IQCH: variants seen among roughly 807,000 people sequenced by gnomAD.
IQCH encodes IQ domain-containing protein H.
IQCH carries 98 observed loss-of-function variants against 117.0 expected under a neutral mutation model. The ratio of observed to expected loss-of-function variants is 0.84; its 90% CI spans 0.71 to 0.99. The LOEUF is 0.99. Ranked by LOEUF, IQCH falls within the 50% of genes least tolerant of loss-of-function variation. IQCH has a pLI of 0.00. For synonymous variants in IQCH, 412 were observed against 448.2 expected (o/e 0.92, Z 1.02); for missense variants, 1,102 against 1,243.8 (o/e 0.89, Z 1.72).
At chr15:67,332,604 C>T (rs1567103320) in intron 4 of IQCH, among the ~76,000 whole-genome samples, 1 of 152,212 alleles carries the variant, frequency 6.6e-6, no homozygotes, top group East Asian at 1.9e-4. Context: ...AGAGCTAATA[C>T]TAAACAATTA....
chr15:67,270,767 T>C (rs182366511), intron 3 of IQCH, among the ~76,000 whole-genome samples: 1 of 152,302 alleles, frequency 6.6e-6, no homozygotes, highest in Non-Finnish European at 1.5e-5. Context: ...TGCAGAACCA[T>C]GAGCCAAATA....
rs1971122086 is a variant in IQCH, at chr15:67,386,797, C to A, written c.1456+1778C>A. Among the ~76,000 whole-genome samples, 1 of 152,040 alleles carries A rather than the reference C, an allele frequency of 6.6e-6. No homozygotes were observed. Among genetic ancestry groups the A allele is most frequent in the Non-Finnish European group, 1.5e-5 (1 of 67,986 alleles). On this transcript the variant is annotated intron_variant, in intron 11 of 20. Coordinates refer to ENST00000335894, the MANE Select transcript of IQCH (RefSeq NM_001031715.3). The surrounding 1 kb of genome is among the most constrained non-coding windows in gnomAD (Gnocchi z 5.0). ...GTTTCATCTTCGTATCAATTCCTTT[C>A]CAAAATTACCTGTCAGTTAATTTTG...
rs1020906773 is a variant in IQCH, at chr15:67,491,559, T to G, written c.2861+1495T>G. On this transcript the variant is annotated intron_variant, in intron 19 of 20. Coordinates refer to ENST00000335894, the MANE Select transcript of IQCH (RefSeq NM_001031715.3). The surrounding 1 kb of genome is among the most constrained non-coding windows in gnomAD (Gnocchi z 4.9). ...CCAAGATCCCATAAACATGCAAAAC[T>G]TATTGGGTCTTGTTAAGAAAGTCAC... Among the ~76,000 whole-genome samples the G allele has an allele frequency of 1.3e-5, 2 of 152,122 alleles. No homozygotes were observed. Among genetic ancestry groups the G allele is most frequent in the African/African-American group, 2.4e-5 (1 of 41,414 alleles).
chr15:67,324,448 G>A (rs1342729344), intron 4 of IQCH, among the ~76,000 whole-genome samples: 1 of 151,750 alleles, frequency 6.6e-6, no homozygotes, highest in Admixed American at 6.6e-5. Context: ...CGCCTCTACT[G>A]AAAATATAAA....
At position 67,401,381 on chromosome 15, in the gene IQCH, G is replaced by A. The variant is rs1971652568; in HGVS notation, c.2097+1076G>A. Among the ~76,000 whole-genome samples the A allele has an allele frequency of 6.6e-6, 1 of 152,166 alleles. No homozygotes were observed. The highest frequency in any genetic ancestry group is 1.5e-5 in the Non-Finnish European group (1 of 68,036). On this transcript the variant is annotated intron_variant, in intron 14 of 20. Transcript: ENST00000335894. This position sits in a 1 kb window ranked among gnomAD's most constrained non-coding sequence, Gnocchi z 4.7. ...TGGCTTCTCTTAATCCCAAATATCT[G>A]TTTTGGCTGACCTGCTGGTTAAAGC... is the stretch of plus-strand genomic sequence containing the variant.
At chr15:67,418,705 A>AG (rs1164915061) in intron 15 of IQCH, among the ~76,000 whole-genome samples, 5 of 149,452 alleles carry the variant, frequency 3.3e-5, no homozygotes, top group African/African-American at 1.2e-4. Flanking sequence ...CAGCCTCCTG[A>AG]TAGCTGGGAT....
chr15:67,278,373 G>A (rs190747766), intron 3 of IQCH, among the ~76,000 whole-genome samples: 1 of 152,252 alleles, frequency 6.6e-6, no homozygotes, highest in Admixed American at 6.5e-5. Context: ...TCTCCTCCCT[G>A]CCCCCAAGAA....
rs1288608827 is a variant in IQCH, at chr15:67,403,682, G to A, written c.2097+3377G>A. On this transcript the variant is annotated intron_variant, in intron 14 of 20. Coordinates refer to ENST00000335894, the MANE Select transcript of IQCH (RefSeq NM_001031715.3). The surrounding 1 kb of genome is among the most constrained non-coding windows in gnomAD (Gnocchi z 4.8). Reference sequence around the variant, plus strand: ...AGGAATAAAGGCTTAAACAAAGGAAGGCAAACATGTAGGGGAGAAACATTC... The same window carrying A: ...AGGAATAAAGGCTTAAACAAAGGAAAGCAAACATGTAGGGGAGAAACATTC... The A allele has an allele frequency of 6.6e-6, 1 of 152,222 alleles. No homozygotes were observed. Among genetic ancestry groups the A allele is most frequent in the Admixed American group, 6.5e-5 (1 of 15,282 alleles). The allele number at this position is 152,222 out of a possible 1,614,324, so 9.4% of individuals were successfully genotyped here. A position where few individuals can be genotyped will look rare whatever the true frequency, so the allele number is the denominator to read the frequency against.
In IQCH at chr15:67,340,113, C is replaced by T. The variant is rs113714789; in HGVS notation, c.508+3018C>T. Among the ~76,000 whole-genome samples the T allele has an allele frequency of 5.9e-3, 890 of 152,126 alleles. 8 individuals are homozygous for T. Among genetic ancestry groups the T allele is most frequent in the African/African-American group, 0.02 (828 of 41,508 alleles). On this transcript the variant is annotated intron_variant, in intron 5 of 20. Transcript: ENST00000335894. ...GACCTTGTAAGCATTGGCTCTATAA[C>T]GCATCAACCTTGATTCTTTAAAAGT...
In IQCH at chr15:67,404,603, A is replaced by C. The variant is rs1397714919; in HGVS notation, c.2097+4298A>C. On this transcript the variant is annotated intron_variant, in intron 14 of 20. Transcript: ENST00000335894. This position sits in a 1 kb window ranked among gnomAD's most constrained non-coding sequence, Gnocchi z 4.6. The stretch of plus-strand genomic sequence containing the variant: ...GTATATTAATTTCTAAATATGCAGT[A>C]TTTCTTTCTCATAGCTACAATAATA... 3 of 152,246 alleles carry C rather than the reference A, an allele frequency of 2.0e-5. No homozygotes were observed. Among genetic ancestry groups the C allele is most frequent in the Non-Finnish European group, 4.4e-5 (3 of 68,044 alleles). 9.4% of individuals were successfully genotyped at this position (152,246 alleles called of 1,614,324 possible). A position where few individuals can be genotyped will look rare whatever the true frequency, so the allele number is the denominator to read the frequency against.
chr15:67,298,239 C>T (rs1408238495), intron 4 of IQCH, among the ~76,000 whole-genome samples: 3 of 150,216 alleles, frequency 2.0e-5, no homozygotes, highest in East Asian at 2.0e-4. Context: ...ACCCAGGAGG[C>T]GGAGGTTGCA....
chr15:67,421,330 C>T lies in IQCH; in HGVS notation c.2258C>T (p.Thr753Ile). The part of the protein sequence containing the change: ...IEAFPPADNV[T>I]NLTVDMLIEP... The stretch of plus-strand genomic sequence containing the variant: ...GCATTCCCACCTGCAGACAATGTCA[C>T]CAACCTCACAGTGGACATGCTGATA... Residue 753 changes from threonine (T) to isoleucine (I), a missense_variant, in exon 16 of 21, where the codon ACC becomes ATC. Around this residue, in one of 2 missense-constraint regions of IQCH, gnomAD observed 650 missense variants for 794.3 expected, o/e 0.82. Transcript: ENST00000335894. 6.2e-7 allele frequency: 1 copy of T among 1,614,198 alleles called. No individual in the cohort carries two copies. The highest frequency in any genetic ancestry group is 1.3e-5 in the African/African-American group (1 of 75,070).
intron 3 of IQCH, among the ~76,000 whole-genome samples, chr15:67,276,466 CAT>C (rs1966128838): frequency 6.6e-6 from 1 of 152,190 alleles, no homozygotes; most frequent in Admixed American, 6.5e-5. Flanking sequence ...CCATAGCAAA[CAT>C]ATATAATTTT....
In IQCH at chr15:67,401,292, A is replaced by G. The variant is rs1971649942; in HGVS notation, c.2097+987A>G. Among the ~76,000 whole-genome samples, 3 of 152,236 alleles carry G rather than the reference A, an allele frequency of 2.0e-5. No homozygotes were observed. In the South Asian group the frequency reaches 6.2e-4, roughly 32 times the overall value. ...TTAAAGTAATTTTATATGGTTTAATATATAAATTAAACCTGCCATTCTAAA... is the reference window on the plus strand; with the variant it reads ...TTAAAGTAATTTTATATGGTTTAATGTATAAATTAAACCTGCCATTCTAAA... On this transcript the variant is annotated intron_variant, in intron 14 of 20. Coordinates refer to ENST00000335894, the MANE Select transcript of IQCH (RefSeq NM_001031715.3). This position sits in a 1 kb window ranked among gnomAD's most constrained non-coding sequence, Gnocchi z 4.7.
intron 6 of IQCH, among the ~76,000 whole-genome samples, chr15:67,346,446 G>C (rs914961876): frequency 3.9e-5 from 6 of 152,250 alleles, no homozygotes; most frequent in Non-Finnish European, 8.8e-5. Flanking sequence ...TTCCACCTCA[G>C]ATAATCAGGC....
chr15:67,494,023 C>T lies in IQCH; in HGVS notation c.2862-235C>T, dbSNP rs1304119845. On this transcript the variant is annotated intron_variant, in intron 19 of 20. Coordinates refer to ENST00000335894, the MANE Select transcript of IQCH (RefSeq NM_001031715.3). The surrounding 1 kb of genome is among the most constrained non-coding windows in gnomAD (Gnocchi z 5.5). ...TAGACTTTCGCTAGAAATGACCTAC[C>T]CTATTGGTATATTCTGCTAAGTTGA... is the stretch of plus-strand genomic sequence containing the variant. 2.0e-5 allele frequency among the ~76,000 whole-genome samples: 3 copies of T among 152,070 alleles called. No individual in the cohort carries two copies. The highest frequency in any genetic ancestry group is 6.6e-5 in the Admixed American group (1 of 15,252).
At position 67,470,603 on chromosome 15, in the gene IQCH, C is replaced by T. The variant is rs187211152; in HGVS notation, c.2677-5093C>T. ...TTATACTATGAACCATCTAGAAAAGCTTGACTATGTTTTTTAAAAAATAAA... is the reference window on the plus strand; with the variant it reads ...TTATACTATGAACCATCTAGAAAAGTTTGACTATGTTTTTTAAAAAATAAA... On this transcript the variant is annotated intron_variant, in intron 17 of 20. Coordinates refer to ENST00000335894, the MANE Select transcript of IQCH (RefSeq NM_001031715.3). Among the ~76,000 whole-genome samples, 5 of 152,272 alleles carry T rather than the reference C, an allele frequency of 3.3e-5. No homozygotes were observed. The East Asian group carries it at 7.7e-4, about 23-fold the overall frequency.
chr15:67,343,951 C>T, intron 5 of IQCH, 112 bp from the exon 6 acceptor site: 1 of 846,850 alleles, frequency 1.2e-6, no homozygotes, highest in South Asian at 1.8e-5. Context: ...CTAGATGTAC[C>T]CTCACAAATA....
At position 67,447,381 on chromosome 15, in the gene IQCH, C is replaced by T. The variant is rs2082413336; in HGVS notation, c.2506-17746C>T. 6.6e-6 allele frequency among the ~76,000 whole-genome samples: 1 copy of T among 152,186 alleles called. No homozygotes were observed. Among genetic ancestry groups the T allele is most frequent in the Admixed American group, 6.5e-5 (1 of 15,274 alleles). On this transcript the variant is annotated intron_variant, in intron 16 of 20. Transcript: ENST00000335894. This position sits in a 1 kb window ranked among gnomAD's most constrained non-coding sequence, Gnocchi z 5.3. ...CTATTAGCCTGACAGGGTGCTGAAT[C>T]TTTCCTACAAACACGAGTCTGTAGG...
Sources: gnomAD v4.1 joint callset for allele counts (sites outside exome capture counted in the v4.1 genomes callset) on GRCh38, gnomAD v4.1.1 for gene constraint, gnomAD v4.1.1 regional missense constraint, Gnocchi (gnomAD v3.1) non-coding constraint, MANE v1.5 for transcripts, NCBI Gene and HGNC (gene_info 2026-07-23, HGNC 2026-07-21) for gene names.